Variants in RTKN2 observed in about 807,000 individuals in gnomAD.
RTKN2 encodes the protein rhotekin 2, also known as rhotekin-2.
Under a neutral mutation model 71.5 loss-of-function variants are expected in RTKN2, and 69 were observed. The observed-to-expected ratio is 0.96, with a 90% CI of 0.79 to 1.18. The LOEUF is 1.18. Among genes scored for constraint, RTKN2 ranks in the 50% most tolerant of loss-of-function variants. The pLI, the probability that RTKN2 is intolerant of heterozygous loss-of-function variation, is 0.00. For missense variants in RTKN2, 724 were observed against 719.7 expected, an observed-to-expected ratio of 1.01 and a Z score of -0.07; for synonymous variants, 236 against 236.5, an observed-to-expected ratio of 1.00 and a Z score of 0.02.
At chr10:62,189,922 G>A (rs1229601908), downstream of RTKN2, among the ~76,000 whole-genome samples, 1 of 148,662 alleles carries the variant, frequency 6.7e-6, no homozygotes, top group African/African-American at 2.5e-5. Flanking sequence ...TGTAATTAAT[G>A]AAAACCAACT....
chr10:62,196,009 T>A lies in RTKN2; in HGVS notation c.*1899A>T, dbSNP rs1841323882. The A allele has an allele frequency of 2.0e-6, 2 of 984,934 alleles. No homozygotes were observed. Among genetic ancestry groups the A allele is most frequent in the Admixed American group, 1.2e-4 (2 of 16,242 alleles). The allele number at this position is 984,934 out of a possible 1,614,324, so 61.0% of individuals were successfully genotyped here. ...ATGACAAGAATATAATCTGGAAGTT[T>A]TAATACTGATTTGTAATAAAGGAAG... On this transcript the variant is annotated 3_prime_UTR_variant, in exon 12 of 12. Transcript: ENST00000373789.
intron 9 of RTKN2, among the ~76,000 whole-genome samples, chr10:62,207,251 A>G (rs931834545): frequency 1.3e-5 from 2 of 152,084 alleles, no homozygotes; most frequent in African/African-American, 4.8e-5. Flanking sequence ...ATATCCTTCT[A>G]AGAGAATATA....
At chr10:62,258,642 AAACAT>A (rs1323078713) in intron 2 of RTKN2, among the ~76,000 whole-genome samples, 1 of 152,222 alleles carries the variant, frequency 6.6e-6, no homozygotes, top group Non-Finnish European at 1.5e-5. Context: ...TAAAATGATA[AAACAT>A]AACAGGATAT....
Position 62,197,110 on chromosome 10 carries a change from G to A in RTKN2, c.*798C>T, listed in dbSNP as rs1841346378. ...TCTTCTTTTTAAATAAGTATTAAAT[G>A]AATTTTAAGGTGTTGATCAGCTACT... On this transcript the variant is annotated 3_prime_UTR_variant, in exon 12 of 12. Transcript: ENST00000373789. 4 of 982,302 alleles carry A rather than the reference G, an allele frequency of 4.1e-6. No homozygotes were observed. Among genetic ancestry groups the A allele is most frequent in the Non-Finnish European group, 4.8e-6 (4 of 827,290 alleles). 60.8% of individuals were successfully genotyped at this position (982,302 alleles called of 1,614,324 possible).
intron 6 of RTKN2, among the ~76,000 whole-genome samples, chr10:62,229,390 G>T (rs995187736): frequency 6.6e-6 from 1 of 152,130 alleles, no homozygotes; most frequent in East Asian, 1.9e-4. Context: ...GATTACTGGT[G>T]CAAGGTCATG....
rs768484348 is a variant in RTKN2, at chr10:62,193,149, A to G, written c.*4759T>C. 128 of 699,920 alleles carry G rather than the reference A, an allele frequency of 1.8e-4. 1 individual carries two copies. The highest frequency in any genetic ancestry group is 6.3e-5 in the Admixed American group (1 of 15,878). The allele number at this position is 699,920 out of a possible 1,614,324, so 43.4% of individuals were successfully genotyped here. A position where few individuals can be genotyped will look rare whatever the true frequency, so the allele number is the denominator to read the frequency against. ...TGCATCCATTCATAATTTTGAGTAG[A>G]TAAACAAAATATAAAAATATTTTTA... On this transcript the variant is annotated 3_prime_UTR_variant, in exon 12 of 12. Coordinates refer to ENST00000373789, the MANE Select transcript of RTKN2 (RefSeq NM_145307.4).
At chr10:62,214,898 T>C in intron 9 of RTKN2, 1 of 477,316 alleles carries the variant, frequency 2.1e-6, no homozygotes, top group South Asian at 4.5e-5. Flanking sequence ...TCCTACTCAT[T>C]AGGAAAAGGG....
At chr10:62,255,552 T>A (rs1419534524) in intron 2 of RTKN2, among the ~76,000 whole-genome samples, 1 of 152,200 alleles carries the variant, frequency 6.6e-6, no homozygotes, top group Non-Finnish European at 1.5e-5. Context: ...CCAATAAGTG[T>A]AGAAGGAATA....
chr10:62,186,217 T>C (rs1367626645), intron 8 of RTKN2, among the ~76,000 whole-genome samples: 2 of 134,946 alleles, frequency 1.5e-5, no homozygotes, highest in Non-Finnish European at 3.2e-5. Flanking sequence ...TGCTTTCATT[T>C]CATCTTGTTT....
chr10:62,246,864 T>C (rs1842487921), intron 2 of RTKN2, among the ~76,000 whole-genome samples: 1 of 151,990 alleles, frequency 6.6e-6, no homozygotes, highest in African/African-American at 2.4e-5. Flanking sequence ...AGTTGGAATA[T>C]TTTATTACCA....
intron 10 of RTKN2, among the ~76,000 whole-genome samples, chr10:62,201,297 T>C (rs1188702815): frequency 6.6e-6 from 1 of 152,148 alleles, no homozygotes; most frequent in African/African-American, 2.4e-5. Context: ...AATATGATAA[T>C]ATATGCATAA....
intron 3 of RTKN2, among the ~76,000 whole-genome samples, chr10:62,242,613 A>T (rs1842398827): frequency 7.7e-6 from 1 of 129,446 alleles, no homozygotes; most frequent in South Asian, 2.5e-4. Context: ...TAAGTCTACA[A>T]TCTATTACCT....
chr10:62,253,957 A>C (rs979590623), intron 2 of RTKN2, among the ~76,000 whole-genome samples: 11 of 152,170 alleles, frequency 7.2e-5, no homozygotes, highest in African/African-American at 2.7e-4. Flanking sequence ...GTGGAAAAAA[A>C]AGTCAGAATA....
In RTKN2 at chr10:62,218,898, A is replaced by C. The variant is rs924647016; in HGVS notation, c.782-597T>G. Among the ~76,000 whole-genome samples, 47 of 152,294 alleles carry C rather than the reference A, an allele frequency of 3.1e-4. 1 individual carries two copies. The highest frequency in any genetic ancestry group is 1.1e-3 in the African/African-American group (46 of 41,570). On this transcript the variant is annotated intron_variant, in intron 7 of 11. Transcript: ENST00000373789. ...CTGCTTGGGAGGCTGAGGCCGAAGA[A>C]TCGCTTGAGCCCAGGAGGCGGAGGT...
chr10:62,234,494 T>TAAAA (rs10639375), intron 6 of RTKN2, among the ~76,000 whole-genome samples: 2 of 142,584 alleles, frequency 1.4e-5, no homozygotes, highest in Admixed American at 1.4e-4. Flanking sequence ...AGACTTGTCT[T>TAAAA]AAAAAAAAAA....
intron 5 of RTKN2, among the ~76,000 whole-genome samples, chr10:62,236,899 G>T (rs553893476): frequency 6.7e-6 from 1 of 148,794 alleles, no homozygotes; most frequent in Non-Finnish European, 1.5e-5. Context: ...ATTATATGTG[G>T]AATATTAAAA....
At chr10:62,225,113 C>T (rs746323077) in intron 6 of RTKN2, among the ~76,000 whole-genome samples, 1 of 152,204 alleles carries the variant, frequency 6.6e-6, no homozygotes, top group Non-Finnish European at 1.5e-5. Flanking sequence ...TGAACAAACA[C>T]TAGCATTGTT....
chr10:62,216,503 T>C (rs568854630), intron 9 of RTKN2, among the ~76,000 whole-genome samples: 20 of 152,242 alleles, frequency 1.3e-4, no homozygotes, highest in African/African-American at 4.1e-4. Flanking sequence ...GTTTGCCTTA[T>C]ATTGAAGTTT....
At position 62,268,412 on chromosome 10, in the gene RTKN2, ATCCC is replaced by A. The variant is rs1299034143; in HGVS notation, c.60+135_60+138del. On this transcript the variant is annotated intron_variant, in intron 1 of 11. Coordinates refer to ENST00000373789, the MANE Select transcript of RTKN2 (RefSeq NM_145307.4). ...AGAGCCCCAAGAGCGCAGTCTCCTA[ATCCC>A]TCCCTTTGTTTCTGGCCACCGCTGA... The A allele has an allele frequency of 2.7e-5, 23 of 847,488 alleles. No homozygotes were observed. In the East Asian group the frequency reaches 6.1e-4, roughly 22 times the overall value. 52.5% of individuals were successfully genotyped at this position (847,488 alleles called of 1,614,324 possible).
Sources: gnomAD v4.1 joint callset for allele counts (sites outside exome capture counted in the v4.1 genomes callset) on GRCh38, gnomAD v4.1.1 for gene constraint, MANE v1.5 for transcripts, NCBI Gene and HGNC (gene_info 2026-07-23, HGNC 2026-07-21) for gene names.